Variants in SSH2 observed in about 807,000 individuals in gnomAD.
SSH2 encodes slingshot protein phosphatase 2, also known as protein phosphatase Slingshot homolog 2.
SSH2 carries 37 observed loss-of-function variants against 135.2 expected under a neutral mutation model. The ratio of observed to expected loss-of-function variants is 0.27; its 90% CI spans 0.21 to 0.36. The LOEUF is 0.36. Among genes scored for constraint, SSH2 ranks in the 10% least tolerant of loss-of-function variants. The pLI, the probability that SSH2 is intolerant of heterozygous loss-of-function variation, is 1.00. For missense variants in SSH2, 1,408 were observed against 1,765.3 expected (o/e 0.80, Z 3.63); for synonymous variants, 628 against 646.2 (o/e 0.97, Z 0.43).
intron 2 of SSH2, among the ~76,000 whole-genome samples, chr17:29,803,824 A>C (rs2042293426): frequency 6.6e-6 from 1 of 152,222 alleles, no homozygotes. Flanking sequence ...GGAGGACTGA[A>C]GGCCATATGG....
At chr17:29,823,604 G>T (rs957389821) in intron 2 of SSH2, among the ~76,000 whole-genome samples, 9 of 151,886 alleles carry the variant, frequency 5.9e-5, no homozygotes, top group Non-Finnish European at 1.2e-4. Flanking sequence ...CTGGGGTCGG[G>T]TGCGGTCTCA....
intron 3 of SSH2, chr17:29,716,335 G>A: frequency 1.3e-5 from 6 of 446,716 alleles, no homozygotes; most frequent in South Asian, 9.5e-5. Context: ...TTTCTTTCAC[G>A]TGCTTCAGGA....
intron 9 of SSH2, among the ~76,000 whole-genome samples, chr17:29,671,266 C>A (rs1276166158): frequency 6.6e-6 from 1 of 152,012 alleles, no homozygotes; most frequent in Non-Finnish European, 1.5e-5. Flanking sequence ...AGGACTGAGG[C>A]CAGGAGTTTA....
chr17:29,698,595 C>T (rs1267866838), intron 4 of SSH2, among the ~76,000 whole-genome samples: 1 of 151,978 alleles, frequency 6.6e-6, no homozygotes, highest in Non-Finnish European at 1.5e-5. Context: ...AAGCAATCCT[C>T]CCACCTCAGC....
chr17:29,915,820 A>T (rs937618946), intron 1 of SSH2, among the ~76,000 whole-genome samples: 7 of 151,668 alleles, frequency 4.6e-5, no homozygotes, highest in African/African-American at 9.7e-5. Context: ...TTATTTTTTT[A>T]AATTTTTTAT....
intron 5 of SSH2, among the ~76,000 whole-genome samples, chr17:29,685,414 T>G (rs1242580276): frequency 2.0e-5 from 3 of 152,152 alleles, no homozygotes; most frequent in African/African-American, 4.8e-5. Flanking sequence ...GAGTTTTACT[T>G]TAAAATGTTC....
chr17:29,810,954 G>A (rs569113111), intron 2 of SSH2, among the ~76,000 whole-genome samples: 6 of 151,720 alleles, frequency 4.0e-5, no homozygotes, highest in South Asian at 2.1e-4. Context: ...TCAGCTCATC[G>A]GCTATCATTA....
intron 3 of SSH2, among the ~76,000 whole-genome samples, chr17:29,733,949 C>T (rs527271447): frequency 4.3e-5 from 6 of 138,304 alleles, no homozygotes; most frequent in Admixed American, 1.6e-4. Context: ...CTCACTCTGT[C>T]GCCCAGGCTA....
intron 14 of SSH2, among the ~76,000 whole-genome samples, chr17:29,641,227 G>A (rs574166682): frequency 4.6e-5 from 7 of 152,174 alleles, no homozygotes; most frequent in East Asian, 3.9e-4. Context: ...TGTTTTAGTC[G>A]GTTACACTAA....
chr17:29,716,685 T>G, intron 3 of SSH2: 1 of 627,308 alleles, frequency 1.6e-6, no homozygotes, highest in South Asian at 1.4e-5. Flanking sequence ...TTTGTGTTTG[T>G]TTTTGGTGAA....
At chr17:29,695,997 G>A (rs1345346174) in intron 4 of SSH2, among the ~76,000 whole-genome samples, 2 of 151,968 alleles carry the variant, frequency 1.3e-5, no homozygotes, top group Admixed American at 1.3e-4. Context: ...TGCTTCGGTT[G>A]CATTTGACCT....
At chr17:29,911,312 T>C (rs1156464495) in intron 1 of SSH2, among the ~76,000 whole-genome samples, 1 of 152,170 alleles carries the variant, frequency 6.6e-6, no homozygotes, top group Non-Finnish European at 1.5e-5. Context: ...GTTACAGAGT[T>C]GTATGCCCAA....
At chr17:29,900,883 T>C (rs923245625) in intron 1 of SSH2, among the ~76,000 whole-genome samples, 33 of 152,134 alleles carry the variant, frequency 2.2e-4, no homozygotes, top group Non-Finnish European at 5.9e-5. Context: ...CCAACCCAAA[T>C]GTCCAACAAT....
chr17:29,801,027 T>G (rs571230089), intron 2 of SSH2, among the ~76,000 whole-genome samples: 1 of 151,840 alleles, frequency 6.6e-6, no homozygotes, highest in Non-Finnish European at 1.5e-5. Context: ...CACCACCCCC[T>G]GTAATTTTTG....
chr17:29,754,666 TTTTTA>T (rs1383466673), intron 3 of SSH2, among the ~76,000 whole-genome samples: 4 of 152,150 alleles, frequency 2.6e-5, no homozygotes, highest in African/African-American at 9.7e-5. Flanking sequence ...TTTTATTTTA[TTTTTA>T]TTTATTTATT....
rs900055883 is a variant in SSH2 at position 29,629,409 on chromosome 17, T to C, written c.*1432A>G. The stretch of plus-strand genomic sequence containing the variant: ...AGCTTTCAGTCACGCTGTGACCTAA[T>C]GGGAGCCTTTAGGGGTGTCTCTGAG... On this transcript the variant is annotated 3_prime_UTR_variant, in exon 16 of 16. Transcript: ENST00000540801. 6.5e-6 allele frequency: 1 copy of C among 152,686 alleles called. No individual in the cohort carries two copies. Among genetic ancestry groups the C allele is most frequent in the African/African-American group, 2.4e-5 (1 of 41,474 alleles). 9.5% of individuals were successfully genotyped at this position (152,686 alleles called of 1,614,324 possible). A position where few individuals can be genotyped will look rare whatever the true frequency, so the allele number is the denominator to read the frequency against.
At chr17:29,843,209 A>G (rs573358058) in intron 2 of SSH2, among the ~76,000 whole-genome samples, 1 of 152,268 alleles carries the variant, frequency 6.6e-6, no homozygotes, top group Admixed American at 6.5e-5. Flanking sequence ...GTTTTTGCTT[A>G]TAATCTCTAG....
chr17:29,730,226 G>T (rs2040133641), intron 3 of SSH2, among the ~76,000 whole-genome samples: 1 of 151,276 alleles, frequency 6.6e-6, no homozygotes, highest in South Asian at 2.1e-4. Context: ...GGAGGCTGAG[G>T]CGGGAGGACT....
rs57778245 is a variant in SSH2, at chr17:29,737,920, C to CTTAT, written c.189-34862_189-34859dup. Among the ~76,000 whole-genome samples the CTTAT allele has an allele frequency of 6.3e-3, 949 of 150,696 alleles. 9 individuals carry two copies. Among genetic ancestry groups the CTTAT allele is most frequent in the Middle Eastern group, 0.024 (7 of 288 alleles). On this transcript the variant is annotated intron_variant, in intron 3 of 15. Transcript: ENST00000540801. ...CAGCTGGCTGACCTTGAGAAAGTCT[C>CTTAT]TTATTTATTTATTTATTTATTTATA...
Sources: gnomAD v4.1 joint callset for allele counts (sites outside exome capture counted in the v4.1 genomes callset) on GRCh38, gnomAD v4.1.1 for gene constraint, MANE v1.5 for transcripts, NCBI Gene and HGNC (gene_info 2026-07-23, HGNC 2026-07-21) for gene names.